KIF21A: variants seen among roughly 807,000 people sequenced by gnomAD.
KIF21A encodes kinesin-like protein KIF21A.
Under a neutral mutation model 202.9 loss-of-function variants are expected in KIF21A, and 114 were observed. That is an observed-to-expected ratio of 0.56 (90% CI 0.48 to 0.66). The LOEUF (loss-of-function observed/expected upper bound fraction) is 0.66. Among genes scored for constraint, KIF21A ranks in the 30% least tolerant of loss-of-function variants. The pLI is 0.00. For synonymous variants in KIF21A, 667 were observed against 670.8 expected, an observed-to-expected ratio of 0.99 and a Z score of 0.09; for missense variants, 1,677 against 1,994.9, an observed-to-expected ratio of 0.84 and a Z score of 3.04.
chr12:39,341,092 T>C lies in KIF21A; in HGVS notation c.1924A>G (p.Asn642Asp). The change falls in exon 15 of 38, where the codon AAT (asparagine) becomes GAT (aspartate). Residue 642 changes from asparagine (N) to aspartate (D), a missense_variant and splice_region_variant. Transcript: ENST00000361418. ...ESDSESDEKA[N>D]YQADLANITC... ...ATGTTTGCCAAGTCTGCTTGATAAT[T>C]GGCTATTTATAAAAGAAGAAAATAA... 2 of 1,596,032 alleles carry C rather than the reference T, an allele frequency of 1.3e-6. No homozygotes were observed. The highest frequency in any genetic ancestry group is 1.7e-6 in the Non-Finnish European group (2 of 1,168,220).
rs148765485 is a variant in KIF21A, at chr12:39,409,611, C to T, written c.44+33316G>A. Among the ~76,000 whole-genome samples the T allele has an allele frequency of 2.6e-3, 388 of 151,720 alleles. 1 individual carries two copies. The highest frequency in any genetic ancestry group is 4.3e-3 in the Non-Finnish European group (293 of 67,926). ...GATAACAGAATTGTGATAATAATAT[C>T]TATCATCTCATCCCAGCCCCAAAAT... On this transcript the variant is annotated intron_variant, in intron 1 of 37. Transcript: ENST00000361418.
chr12:39,363,139 G>A lies in KIF21A; in HGVS notation c.978C>T (p.Ser326=), dbSNP rs540466320. 1 of 1,613,136 alleles carries A rather than the reference G, an allele frequency of 6.2e-7. No homozygotes were observed. The change falls in exon 7 of 38, where the codon TCC becomes TCT. Residue 326 remains serine (S), a synonymous_variant. Coordinates refer to ENST00000361418, the MANE Select transcript of KIF21A (RefSeq NM_001173464.2). ...AATCCTGTAGTAGTCTTGTTAGCTT[G>A]GAATCTCTATAGGGGACATGTGTGG... ...KRATHVPYRD[S]KLTRLLQDSL...
At chr12:39,349,191 A>T (rs149914578) in intron 11 of KIF21A, among the ~76,000 whole-genome samples, 97 of 152,134 alleles carry the variant, frequency 6.4e-4, no homozygotes, top group African/African-American at 2.1e-3. Context: ...ATGAGAGGGA[A>T]AGAAGGTTCT....
At chr12:39,359,871 C>T (rs1211812636) in intron 7 of KIF21A, among the ~76,000 whole-genome samples, 1 of 152,184 alleles carries the variant, frequency 6.6e-6, no homozygotes, top group Admixed American at 6.5e-5. Context: ...TTCCACAACA[C>T]TTGAACTTCC....
intron 37 of KIF21A, among the ~76,000 whole-genome samples, chr12:39,297,592 TG>T (rs1218967790): frequency 6.6e-4 from 3 of 4,524 alleles, no homozygotes; most frequent in East Asian, 7.5e-3. Flanking sequence ...TGTTGTGGGG[TG>T]GGGGGGTGGG....
intron 5 of KIF21A, 74 bp from the exon 6 acceptor site, chr12:39,366,591 T>G (rs1949620236): frequency 2.7e-6 from 3 of 1,097,934 alleles, no homozygotes; most frequent in Non-Finnish European, 4.0e-6. Context: ...ACCTTGCGCT[T>G]ATCCCATGTA....
At chr12:39,295,908 T>C (rs1261902837) in intron 37 of KIF21A, among the ~76,000 whole-genome samples, 2 of 151,304 alleles carry the variant, frequency 1.3e-5, no homozygotes, top group African/African-American at 4.9e-5. Flanking sequence ...TTTCACCATG[T>C]TGGCCAGCCT....
intron 29 of KIF21A, among the ~76,000 whole-genome samples, chr12:39,317,672 T>C (rs1012464670): frequency 6.6e-6 from 1 of 152,202 alleles, no homozygotes; most frequent in Non-Finnish European, 1.5e-5. Flanking sequence ...TAAACTGTTA[T>C]ATCCCCCAGA....
rs945173948 is a variant in KIF21A at position 39,301,613 on chromosome 12, G to C, written c.4798C>G (p.Leu1600Val). Residue 1600 changes from leucine to valine, a missense_variant, in exon 37 of 38, where the codon CTC becomes GTC. Physicochemically the swap from Leu to Val is conservative, Grantham distance 32. This residue lies in a region of KIF21A where 705 missense variants were observed against 791.9 expected (regional missense o/e 0.89). Coordinates refer to ENST00000361418, the MANE Select transcript of KIF21A (RefSeq NM_001173464.2). ...AAAATGCCCCCTCTGCAGCCACTGA[G>C]CAAAACTGGGTGGTCTGGCACCACT... Reference protein sequence around the residue: ...LGVVPDHPVLLSGCRGGILKV... With the variant: ...LGVVPDHPVLVSGCRGGILKV... 1 of 1,614,064 alleles carries C rather than the reference G, an allele frequency of 6.2e-7. No individual in the cohort carries two copies.
chr12:39,303,096 G>A lies in KIF21A; in HGVS notation c.4600C>T (p.Pro1534Ser). The A allele has an allele frequency of 6.2e-7, 1 of 1,613,996 alleles. No individual in the cohort carries two copies. The highest frequency in any genetic ancestry group is 1.1e-5 in the South Asian group (1 of 91,078). Residue 1534 changes from proline to serine, a missense_variant, in exon 36 of 38, where the codon CCC (proline) becomes TCC (serine). Physicochemically the swap from Pro to Ser is moderately conservative, Grantham distance 74. This residue lies in a region of KIF21A where 705 missense variants were observed against 791.9 expected (regional missense o/e 0.89). Coordinates refer to ENST00000361418, the MANE Select transcript of KIF21A (RefSeq NM_001173464.2). The part of the protein sequence containing the change: ...VTEGALGTVS[P>S]THNFEPPHYD... ...TGAGGGGGTTCAAAATTGTGGGTGG[G>A]ACTCACAGTCCCAAGAGCTCCTTCT...
intron 1 of KIF21A, among the ~76,000 whole-genome samples, chr12:39,380,061 A>AGT (rs1950518567): frequency 1.3e-5 from 2 of 152,120 alleles, no homozygotes; most frequent in South Asian, 4.1e-4. Flanking sequence ...TCCGCCTCCC[A>AGT]GGTTCAGGCA....
chr12:39,304,303 A>G (rs964182452), intron 35 of KIF21A, among the ~76,000 whole-genome samples: 2 of 152,128 alleles, frequency 1.3e-5, no homozygotes, highest in Admixed American at 6.6e-5. Context: ...TGGCCACATC[A>G]TCAACTCTTT....
chr12:39,307,505 AT>A, intron 34 of KIF21A, 59 bp downstream of exon 34: 1 of 1,519,796 alleles, frequency 6.6e-7, no homozygotes, highest in Non-Finnish European at 9.1e-7. Flanking sequence ...CACTAATGTT[AT>A]TAATGTCTGA....
chr12:39,338,345 A>C (rs1947156967), intron 16 of KIF21A, among the ~76,000 whole-genome samples: 1 of 152,218 alleles, frequency 6.6e-6, no homozygotes, highest in South Asian at 2.1e-4. Flanking sequence ...TTTGTGTTTT[A>C]AACTGTGATA....
intron 1 of KIF21A, among the ~76,000 whole-genome samples, chr12:39,433,536 C>G (rs1938251565): frequency 6.6e-6 from 1 of 152,162 alleles, no homozygotes; most frequent in Admixed American, 6.5e-5. Context: ...TTCCAAAAAT[C>G]TGGTGCAACC....
intron 1 of KIF21A, among the ~76,000 whole-genome samples, chr12:39,394,228 A>T (rs183412804): frequency 2.7e-4 from 41 of 152,344 alleles, no homozygotes; most frequent in Non-Finnish European, 5.3e-4. Flanking sequence ...GGTCATCTTC[A>T]CATCAAATGC....
intron 1 of KIF21A, among the ~76,000 whole-genome samples, chr12:39,386,355 C>A (rs867883561): frequency 3.9e-5 from 6 of 152,084 alleles, no homozygotes; most frequent in Non-Finnish European, 5.9e-5. Flanking sequence ...ATAGAAAGAT[C>A]CCGGGACACC....
intron 26 of KIF21A, among the ~76,000 whole-genome samples, chr12:39,324,440 C>T (rs1045519227): frequency 4.6e-5 from 7 of 152,142 alleles, no homozygotes; most frequent in Non-Finnish European, 1.0e-4. Context: ...GGACTAGATC[C>T]GAACCATAGC....
At chr12:39,387,733 A>G (rs1207204825) in intron 1 of KIF21A, among the ~76,000 whole-genome samples, 4 of 152,168 alleles carry the variant, frequency 2.6e-5, no homozygotes, top group African/African-American at 7.2e-5. Flanking sequence ...TCCAACCACA[A>G]GAATCCACAT....
Sources: gnomAD v4.1 joint callset for allele counts (sites outside exome capture counted in the v4.1 genomes callset) on GRCh38, gnomAD v4.1.1 for gene constraint, gnomAD v4.1.1 regional missense constraint, MANE v1.5 for transcripts, NCBI Gene and HGNC (gene_info 2026-07-23, HGNC 2026-07-21) for gene names.